PLEKHB1: variants seen among roughly 807,000 people sequenced by gnomAD.
PLEKHB1 encodes the protein pleckstrin homology domain containing B1.
A neutral mutation model predicts 36.2 loss-of-function variants in PLEKHB1; 29 were observed. The observed-to-expected ratio is 0.80, with a 90% CI of 0.60 to 1.09. The LOEUF is 1.09. Ranked by LOEUF, PLEKHB1 falls within the 50% of genes least tolerant of loss-of-function variation. PLEKHB1 has a pLI of 0.00. For synonymous variants in PLEKHB1, 138 were observed against 140.0 expected (o/e 0.99, Z 0.10); for missense variants, 330 against 348.2 (o/e 0.95, Z 0.42).
intron 5 of PLEKHB1, among the ~76,000 whole-genome samples, chr11:73,655,504 G>A (rs183764915): frequency 2.0e-4 from 31 of 152,328 alleles, no homozygotes; most frequent in African/African-American, 6.5e-4. Context: ...GGACAGAAGG[G>A]AGTCGCCCTG....
In PLEKHB1 at chr11:73,662,749, T is replaced by G. The variant is rs1176897717; in HGVS notation, c.*1147T>G. On this transcript the variant is annotated 3_prime_UTR_variant, in exon 8 of 8. Transcript: ENST00000354190. ...GGTAGCCAGACTAGCCCACTAAAGC[T>G]CCCCTGTAAATGGGGGCTCCATTAG... The G allele has an allele frequency of 6.6e-6, 1 of 152,118 alleles. No homozygotes were observed. Among genetic ancestry groups the G allele is most frequent in the African/African-American group, 2.4e-5 (1 of 41,394 alleles). The allele number at this position is 152,118 out of a possible 1,614,324, so 9.4% of individuals were successfully genotyped here.
chr11:73,650,408 C>T (rs1036296507), intron 2 of PLEKHB1, 145 bp from the exon 3 acceptor site: 2 of 865,852 alleles, frequency 2.3e-6, no homozygotes, highest in Non-Finnish European at 3.4e-6. Flanking sequence ...GAAAGAGGTC[C>T]TGCCCTCATT....
In PLEKHB1 at chr11:73,650,675, C is replaced by T. The variant is rs761508950; in HGVS notation, c.217C>T (p.Arg73Cys). 1.1e-5 allele frequency: 18 copies of T among 1,609,558 alleles called. No individual in the cohort carries two copies. The highest frequency in any genetic ancestry group is 1.4e-5 in the Non-Finnish European group (16 of 1,177,882). Residue 73 changes from arginine to cysteine, a missense_variant, in exon 3 of 8, where the codon CGT becomes TGT. Physicochemically the swap from Arg to Cys is radical, Grantham distance 180. Transcript: ENST00000354190. ...EDRVLIHFNV[R>C]DIKIGPECHD... ...CCGTGTGCTCATCCACTTCAATGTC[C>T]GTGACATAAAGATCGGCCCAGAGTG...
rs118064377 is a variant in PLEKHB1, at chr11:73,650,690, G to A, written c.232G>A (p.Gly78Ser). Residue 78 changes from glycine to serine, a missense_variant, in exon 3 of 8, where the codon GGC becomes AGC. Physicochemically the swap from Gly to Ser is moderately conservative, Grantham distance 56. Coordinates refer to ENST00000354190, the MANE Select transcript of PLEKHB1 (RefSeq NM_021200.3). ...IHFNVRDIKI[G>S]PECHDVQPPE... Reference sequence around the variant, plus strand: ...CTTCAATGTCCGTGACATAAAGATCGGCCCAGAGTGCCATGGTGAGCAGAA... The same window carrying A: ...CTTCAATGTCCGTGACATAAAGATCAGCCCAGAGTGCCATGGTGAGCAGAA... 9.2e-5 allele frequency: 147 copies of A among 1,606,204 alleles called. No homozygotes were observed. The highest frequency in any genetic ancestry group is 1.2e-4 in the Non-Finnish European group (140 of 1,176,230).
intron 4 of PLEKHB1, 198 bp from the exon 5 acceptor site, chr11:73,652,777 A>G (rs890679958): frequency 5.7e-6 from 3 of 524,536 alleles, no homozygotes; most frequent in Middle Eastern, 4.4e-4. Context: ...AGAATGAATT[A>G]GCCTAACTTA....
At chr11:73,653,660 T>G in intron 5 of PLEKHB1, among the ~76,000 whole-genome samples, 1 of 151,920 alleles carries the variant, frequency 6.6e-6, no homozygotes, top group Non-Finnish European at 1.5e-5. Context: ...ATTGACTGGG[T>G]GAAAGGTGTG....
intron 3 of PLEKHB1, 93 bp downstream of exon 3, chr11:73,650,798 G>A: frequency 7.2e-7 from 1 of 1,380,358 alleles, no homozygotes; most frequent in East Asian, 2.5e-5. Flanking sequence ...TCTTTTTGCA[G>A]CTTTCAGAGG....
chr11:73,650,783 G>A (rs1944875467), intron 3 of PLEKHB1, 78 bp downstream of exon 3: 1 of 1,447,204 alleles, frequency 6.9e-7, no homozygotes, highest in Non-Finnish European at 9.1e-7. Flanking sequence ...ACTTGCTGTT[G>A]GAAGTCTTTT....
chr11:73,648,761 C>A (rs1257959447), intron 1 of PLEKHB1: 8 of 1,256,548 alleles, frequency 6.4e-6, no homozygotes, highest in Non-Finnish European at 8.1e-6. Context: ...AGTTACCAAG[C>A]TGAGGCTGGA....
Position 73,650,716 on chromosome 11 carries a change from GC to G in PLEKHB1, c.247+15del. On this transcript the variant is annotated intron_variant, in intron 3 of 7. Coordinates refer to ENST00000354190, the MANE Select transcript of PLEKHB1 (RefSeq NM_021200.3). ...GCCCAGAGTGCCATGGTGAGCAGAA[GC>G]CCCTTCCTCTGTGGCACCGTGACTG... 6.3e-7 allele frequency: 1 copy of G among 1,592,958 alleles called. No homozygotes were observed. The highest frequency in any genetic ancestry group is 8.6e-7 in the Non-Finnish European group (1 of 1,169,296).
rs376023362 is a variant in PLEKHB1, at chr11:73,653,013, C to T, written c.389C>T (p.Pro130Leu). The T allele has an allele frequency of 1.1e-5, 17 of 1,608,984 alleles. No homozygotes were observed. The highest frequency in any genetic ancestry group is 9.0e-5 in the East Asian group (4 of 44,688). The change falls in exon 5 of 8, where the codon CCG (proline) becomes CTG (leucine). Residue 130 changes from proline to leucine, a missense_variant and splice_region_variant. Transcript: ENST00000354190. The part of the protein sequence containing the change: ...KTALLEANST[P>L]APAGATVPPR... Reference sequence around the variant, plus strand: ...GCACTGCTGGAGGCAAACTCCACCCCGGTGAGTCTCCCGTTCTCTCCCCCT... The same window carrying T: ...GCACTGCTGGAGGCAAACTCCACCCTGGTGAGTCTCCCGTTCTCTCCCCCT...
At chr11:73,658,228 T>A (rs557801620) in intron 6 of PLEKHB1, among the ~76,000 whole-genome samples, 73 of 152,242 alleles carry the variant, frequency 4.8e-4, no homozygotes, top group African/African-American at 9.6e-4. Flanking sequence ...GAAAGACAGG[T>A]TGAATGAGGT....
rs770037551 is a variant in PLEKHB1, at chr11:73,661,544, C to T, written c.674C>T (p.Ala225Val). The change falls in exon 8 of 8, where the codon GCG (alanine) becomes GTG (valine). Residue 225 changes from alanine (A) to valine (V), a missense_variant. Physicochemically the swap from Ala to Val is moderately conservative, Grantham distance 64 (BLOSUM62 0). Coordinates refer to ENST00000354190, the MANE Select transcript of PLEKHB1 (RefSeq NM_021200.3). The surrounding 1 kb of genome is among the most constrained non-coding windows in gnomAD (Gnocchi z 4.6). ...GCCCCTCTGGCCATGGGCATGCTTG[C>T]GGGAGCCGCCACTGGGGCGGCGCTG... is the stretch of plus-strand genomic sequence containing the variant. ...AGAPLAMGML[A>V]GAATGAALGS... The T allele has an allele frequency of 2.5e-6, 4 of 1,609,936 alleles. No homozygotes were observed. The highest frequency in any genetic ancestry group is 1.7e-5 in the Admixed American group (1 of 59,516).
chr11:73,661,366 C>T lies in PLEKHB1; in HGVS notation c.596-100C>T. ...CTGGGGAGCAGGAGAGTGGGTTCGG[C>T]GCCTTACACTGGGTTGGGCTGGAGT... On this transcript the variant is annotated intron_variant, in intron 7 of 7. Transcript: ENST00000354190. The surrounding 1 kb of genome is among the most constrained non-coding windows in gnomAD (Gnocchi z 4.6). 4 of 1,368,772 alleles carry T rather than the reference C, an allele frequency of 2.9e-6. No homozygotes were observed. Among genetic ancestry groups the T allele is most frequent in the South Asian group, 1.3e-5 (1 of 79,852 alleles). The allele number at this position is 1,368,772 out of a possible 1,614,324, so 84.8% of individuals were successfully genotyped here. A position where few individuals can be genotyped will look rare whatever the true frequency, so the allele number is the denominator to read the frequency against.
chr11:73,649,939 T>A (rs773528707), intron 2 of PLEKHB1, among the ~76,000 whole-genome samples: 13 of 152,210 alleles, frequency 8.5e-5, no homozygotes, highest in Non-Finnish European at 1.5e-4. Flanking sequence ...CAGTGGCTCA[T>A]GCCTGTAATC....
chr11:73,652,403 C>A (rs530801210), intron 4 of PLEKHB1: 228 of 167,638 alleles, frequency 1.4e-3, no homozygotes, highest in African/African-American at 5.2e-3. Context: ...GCTCACATTC[C>A]GTCCCTTCCT....
rs965184929 is a variant in PLEKHB1 at position 73,662,176 on chromosome 11, G to A, written c.*574G>A. On this transcript the variant is annotated 3_prime_UTR_variant, in exon 8 of 8. Transcript: ENST00000354190. ...GTTCATTTGGGCTGGGGTGGAGGCT[G>A]GGATCAGACCGTGGTGGGCCTTCAA... 1 of 152,782 alleles carries A rather than the reference G, an allele frequency of 6.5e-6. No homozygotes were observed. The highest frequency in any genetic ancestry group is 2.4e-5 in the African/African-American group (1 of 41,564). 9.5% of individuals were successfully genotyped at this position (152,782 alleles called of 1,614,324 possible).
intron 2 of PLEKHB1, among the ~76,000 whole-genome samples, chr11:73,649,455 C>T (rs1944843207): frequency 1.3e-5 from 2 of 152,152 alleles, no homozygotes; most frequent in Admixed American, 1.3e-4. Context: ...CACTCCCTGA[C>T]CCCAGACTGG....
chr11:73,659,838 A>T (rs1945067500), intron 6 of PLEKHB1, among the ~76,000 whole-genome samples: 1 of 152,174 alleles, frequency 6.6e-6, no homozygotes, highest in African/African-American at 2.4e-5. Flanking sequence ...ACCTGCTTTA[A>T]GGATTAGAGG....
Sources: gnomAD v4.1 joint callset for allele counts (sites outside exome capture counted in the v4.1 genomes callset) on GRCh38, gnomAD v4.1.1 for gene constraint, Gnocchi (gnomAD v3.1) non-coding constraint, MANE v1.5 for transcripts, NCBI Gene and HGNC (gene_info 2026-07-23, HGNC 2026-07-21) for gene names.